Variants in SKP2 observed in about 807,000 individuals in gnomAD.
SKP2 encodes S-phase kinase associated protein 2.
Under a neutral mutation model 51.8 loss-of-function variants are expected in SKP2, and 16 were observed. The observed-to-expected ratio is 0.31, with a 90% confidence interval of 0.21 to 0.47. The LOEUF (loss-of-function observed/expected upper bound fraction) is 0.47. Among genes scored for constraint, SKP2 ranks in the 20% least tolerant of loss-of-function variants. The probability of loss-of-function intolerance (pLI) is 1.00; values close to 1 mark genes in which losing one functional copy is unlikely to be tolerated. For synonymous variants in SKP2, 176 were observed against 198.6 expected (o/e 0.89, Z 0.96); for missense variants, 377 against 505.3 (o/e 0.75, Z 2.43).
chr5:36,181,995 A>G lies in SKP2; in HGVS notation c.1239A>G (p.Lys413=). The part of the protein sequence containing the change: ...NKKNQEIWGI[K]CRLTLQKPSC... ...AGAACCAGGAGATATGGGGCATCAAATGCCGACTGACACTGCAAAAGCCCA... is the reference window on the plus strand; with the variant it reads ...AGAACCAGGAGATATGGGGCATCAAGTGCCGACTGACACTGCAAAAGCCCA... Residue 413 remains lysine, a synonymous_variant, in exon 10 of 10, where the codon AAA becomes AAG. Coordinates refer to ENST00000274255, the MANE Select transcript of SKP2 (RefSeq NM_005983.4). 3 of 1,614,140 alleles carry G rather than the reference A, an allele frequency of 1.9e-6. No homozygotes were observed. The highest frequency in any genetic ancestry group is 2.5e-6 in the Non-Finnish European group (3 of 1,179,996).
At chr5:36,160,180 A>G (rs1561532735) in intron 2 of SKP2, among the ~76,000 whole-genome samples, 1 of 152,206 alleles carries the variant, frequency 6.6e-6, no homozygotes, top group African/African-American at 2.4e-5. Flanking sequence ...CAGGATTCTG[A>G]TAGAAACTGT....
intron 6 of SKP2, among the ~76,000 whole-genome samples, chr5:36,191,212 G>A (rs987546766): frequency 6.6e-6 from 1 of 152,122 alleles, no homozygotes; most frequent in Non-Finnish European, 1.5e-5. Context: ...CCACCCAGGA[G>A]ATACTTGGTA....
In SKP2 at chr5:36,170,404, T is replaced by G. The variant is rs771913938; in HGVS notation, c.732T>G (p.Ser244=). The G allele has an allele frequency of 6.2e-7, 1 of 1,613,328 alleles. No homozygotes were observed. The highest frequency in any genetic ancestry group is 1.3e-5 in the African/African-American group (1 of 75,036). The stretch of plus-strand genomic sequence containing the variant: ...ACCTTTCTGGGTGTTCTGGATTCTC[T>G]GAATTTGCCCTGCAGACTTTGCTAA... ...RLNLSGCSGF[S]EFALQTLLSS... is the part of the protein sequence containing the mutation. Residue 244 remains serine (S), a synonymous_variant, in exon 6 of 10, where the codon TCT becomes TCG. Coordinates refer to ENST00000274255, the MANE Select transcript of SKP2 (RefSeq NM_005983.4).
intron 7 of SKP2, 147 bp downstream of exon 7, chr5:36,171,880 A>G (rs1192835289): frequency 8.1e-5 from 61 of 752,698 alleles, no homozygotes; most frequent in Non-Finnish European, 1.1e-4. Context: ...GGTAGCTGCT[A>G]ATCAGAATGG....
intron 2 of SKP2, among the ~76,000 whole-genome samples, chr5:36,160,513 TACTTA>T (rs1745089697): frequency 6.6e-6 from 1 of 152,168 alleles, no homozygotes; most frequent in South Asian, 2.1e-4. Flanking sequence ...GATTGTACCT[TACTTA>T]TTGTTGTGGC....
intron 6 of SKP2, among the ~76,000 whole-genome samples, chr5:36,191,865 T>G (rs920625334): frequency 1.3e-5 from 2 of 151,292 alleles, no homozygotes; most frequent in African/African-American, 4.9e-5. Context: ...AGACTAACCC[T>G]TCAAGATACA....
At chr5:36,158,151 G>T (rs1745010508) in intron 2 of SKP2, among the ~76,000 whole-genome samples, 1 of 152,244 alleles carries the variant, frequency 6.6e-6, no homozygotes, top group Non-Finnish European at 1.5e-5. Context: ...CTTGGGCTCA[G>T]TAATTATGTC....
intron 7 of SKP2, among the ~76,000 whole-genome samples, chr5:36,174,692 A>G (rs1745576125): frequency 6.6e-6 from 1 of 152,112 alleles, no homozygotes; most frequent in African/African-American, 2.4e-5. Context: ...AAAGCAGAGT[A>G]ACCAGATAGA....
At chr5:36,153,505 C>T (rs532241356) in intron 2 of SKP2, among the ~76,000 whole-genome samples, 86 of 152,240 alleles carry the variant, frequency 5.6e-4, no homozygotes, top group African/African-American at 2.0e-3. Flanking sequence ...CAGGCCCACT[C>T]CCACCCCCAT....
chr5:36,159,109 C>A (rs114232565), intron 2 of SKP2, among the ~76,000 whole-genome samples: 1,664 of 152,252 alleles, frequency 0.011, 30 homozygotes, highest in African/African-American at 0.038. Context: ...GGCATGGGGC[C>A]TGTGGTGGTA....
chr5:36,191,338 G>A (rs1428482552), intron 6 of SKP2, among the ~76,000 whole-genome samples: 1 of 151,408 alleles, frequency 6.6e-6, no homozygotes, highest in African/African-American at 2.4e-5. Context: ...ACAAAGAATT[G>A]TCTGGACAAA....
intron 7 of SKP2, among the ~76,000 whole-genome samples, chr5:36,173,688 AGTAG>A (rs1473953055): frequency 1.3e-5 from 2 of 152,192 alleles, no homozygotes; most frequent in African/African-American, 4.8e-5. Flanking sequence ...TGGCAGAAAT[AGTAG>A]GTATTAAAAT....
rs1407289717 is a variant in SKP2, at chr5:36,183,778, T to C, written c.*1747T>C. On this transcript the variant is annotated 3_prime_UTR_variant, in exon 10 of 10. Transcript: ENST00000274255. The stretch of plus-strand genomic sequence containing the variant: ...TAAAGTTGGGTTGCACAGGAAATGA[T>C]GATGCTTCAATTTCTTAATAGTTAA... 4.7e-6 allele frequency: 7 copies of C among 1,478,734 alleles called. No individual in the cohort carries two copies. In the East Asian group the frequency reaches 1.7e-4, roughly 36 times the overall value. The allele number at this position is 1,478,734 out of a possible 1,614,324, so 91.6% of individuals were successfully genotyped here. A position where few individuals can be genotyped will look rare whatever the true frequency, so the allele number is the denominator to read the frequency against.
chr5:36,186,121 T>A (rs956467173), downstream of SKP2, among the ~76,000 whole-genome samples: 3 of 152,248 alleles, frequency 2.0e-5, no homozygotes, highest in African/African-American at 7.2e-5. Flanking sequence ...GAGACTTTGC[T>A]GAAGTTGCTT....
rs186619894 is a variant in SKP2 at position 36,156,358 on chromosome 5, C to T, written c.280+3316C>T. ...TTTGCCAGGATTAGGGTAGAACAGG[C>T]CACACCTGCTGTACATAGATATCTG... On this transcript the variant is annotated intron_variant, in intron 2 of 9. Transcript: ENST00000274255. Among the ~76,000 whole-genome samples the T allele has an allele frequency of 3.7e-4, 56 of 152,308 alleles. No homozygotes were observed. The South Asian group carries it at 4.4e-3, about 12-fold the overall frequency.
intron 6 of SKP2, among the ~76,000 whole-genome samples, chr5:36,191,270 A>G (rs1214377238): frequency 6.6e-6 from 1 of 152,170 alleles, no homozygotes; most frequent in Non-Finnish European, 1.5e-5. Flanking sequence ...CTATTGGCAT[A>G]CAGGCAATAG....
At chr5:36,186,757 C>T (rs899982811), downstream of SKP2, among the ~76,000 whole-genome samples, 241 of 152,130 alleles carry the variant, frequency 1.6e-3, 1 homozygote, top group African/African-American at 4.8e-3. Context: ...GCTGGCCTCA[C>T]AAAATGAGTT....
chr5:36,173,339 A>G (rs529892586), intron 7 of SKP2, among the ~76,000 whole-genome samples: 2 of 152,334 alleles, frequency 1.3e-5, no homozygotes, highest in East Asian at 3.9e-4. Flanking sequence ...TGCTGGGTCC[A>G]GCATTAAGTA....
Position 36,183,188 on chromosome 5 carries a change from T to C in SKP2, c.*1157T>C. On this transcript the variant is annotated 3_prime_UTR_variant, in exon 10 of 10. Transcript: ENST00000274255. ...CTACATAAGAGTTAAAATCCAGATG[T>C]GGGACCTTTTGATACCATCAGTGAT... 1 of 973,370 alleles carries C rather than the reference T, an allele frequency of 1.0e-6. No individual in the cohort carries two copies. The highest frequency in any genetic ancestry group is 1.2e-6 in the Non-Finnish European group (1 of 818,840). 60.3% of individuals were successfully genotyped at this position (973,370 alleles called of 1,614,324 possible). A position where few individuals can be genotyped will look rare whatever the true frequency, so the allele number is the denominator to read the frequency against.
Sources: allele counts gnomAD v4.1 joint callset (sites outside exome capture counted in the v4.1 genomes callset), GRCh38; gene constraint gnomAD v4.1.1; transcripts MANE v1.5; gene names NCBI Gene and HGNC (gene_info 2026-07-23, HGNC 2026-07-21).